The following FANCI variants were observed in gnomAD, a reference collection of about 807,000 sequenced individuals.
The protein encoded by FANCI is FA complementation group I, also known as Fanconi anemia group I protein.
FANCI carries 156 observed loss-of-function variants against 176.1 expected under a neutral mutation model. The observed-to-expected ratio is 0.89, with a 90% CI of 0.78 to 1.01. FANCI has a LOEUF of 1.01. FANCI is among the 50% of genes least tolerant of loss of function. FANCI has a pLI of 0.00. For synonymous variants in FANCI, 613 were observed against 541.7 expected, an observed-to-expected ratio of 1.13 and a Z score of -1.83; for missense variants, 1,678 against 1,534.1, an observed-to-expected ratio of 1.09 and a Z score of -1.57.
chr15:89,254,202 T>A (rs2093873249), intron 2 of FANCI, among the ~76,000 whole-genome samples: 1 of 151,662 alleles, frequency 6.6e-6, no homozygotes, highest in Admixed American at 6.6e-5. Flanking sequence ...TATAAAAAAA[T>A]AAATAAATAA....
intron 1 of FANCI, among the ~76,000 whole-genome samples, chr15:89,246,308 C>T (rs1383997869): frequency 6.6e-6 from 1 of 152,184 alleles, no homozygotes; most frequent in East Asian, 1.9e-4. Flanking sequence ...CAAATGGTCT[C>T]TTAGCATTTG....
intron 24 of FANCI, among the ~76,000 whole-genome samples, chr15:89,297,325 C>T (rs1415622938): frequency 5.3e-5 from 8 of 151,968 alleles, no homozygotes; most frequent in Admixed American, 1.3e-4. Context: ...GGATTGCGGC[C>T]GGGCAGAGAC....
At chr15:89,246,763 CTTTT>C (rs35104299) in intron 1 of FANCI, among the ~76,000 whole-genome samples, 2 of 113,948 alleles carry the variant, frequency 1.8e-5, no homozygotes, top group South Asian at 3.0e-4. Context: ...TTCTTCCTTT[CTTTT>C]TTTTTTTTTT....
At chr15:89,246,687 A>C (rs2051988924) in intron 1 of FANCI, among the ~76,000 whole-genome samples, 1 of 151,566 alleles carries the variant, frequency 6.6e-6, no homozygotes, top group South Asian at 2.1e-4. Context: ...CTGCTGCGAA[A>C]CCTTGACATT....
In FANCI at chr15:89,279,141, TTTGTTG is replaced by T. The variant is rs140164531; in HGVS notation, c.1381+394_1381+399del. On this transcript the variant is annotated intron_variant, in intron 14 of 37. Transcript: ENST00000310775. ...CTCTGGTAACCTCTGAATTTGCTGTTTTGTTGTTGTTGTTGTTGTTGTTGTTGTTGT... is the reference window on the plus strand; with the variant it reads ...CTCTGGTAACCTCTGAATTTGCTGTTTTGTTGTTGTTGTTGTTGTTGTTGT... Among the ~76,000 whole-genome samples, 483 of 150,998 alleles carry T rather than the reference TTTGTTG, an allele frequency of 3.2e-3. 8 individuals are homozygous for T. The highest frequency in any genetic ancestry group is 0.016 in the East Asian group (84 of 5,128).
At chr15:89,273,863 T>G (rs1014130113) in intron 11 of FANCI, among the ~76,000 whole-genome samples, 1 of 152,224 alleles carries the variant, frequency 6.6e-6, no homozygotes, top group African/African-American at 2.4e-5. Flanking sequence ...TTATATGTGT[T>G]CCAGGTTGTG....
At chr15:89,258,111 A>G (rs980835998) in intron 2 of FANCI, among the ~76,000 whole-genome samples, 3 of 151,804 alleles carry the variant, frequency 2.0e-5, no homozygotes, top group South Asian at 2.1e-4. Flanking sequence ...AAATATGCCA[A>G]GTTCTTTGCT....
Position 89,316,419 on chromosome 15 carries a change from G to T in FANCI, c.3947G>T (p.Gly1316Val), listed in dbSNP as rs138461165. The T allele has an allele frequency of 6.2e-7, 1 of 1,611,636 alleles. No individual in the cohort carries two copies. Among genetic ancestry groups the T allele is most frequent in the East Asian group, 2.2e-5 (1 of 44,816 alleles). Residue 1316 changes from glycine to valine, a missense_variant, in exon 38 of 38, where the codon GGA becomes GTA. Transcript: ENST00000310775. ...TAGGGCACTGCATCAGAGCATGGGG[G>T]ACAGAACAAAGAACCAGCCAAGAAG... ...NEEGTASEHG[G>V]QNKEPAKKKR...
intron 10 of FANCI, among the ~76,000 whole-genome samples, chr15:89,272,811 A>G (rs955704507): frequency 1.3e-5 from 2 of 152,062 alleles, no homozygotes; most frequent in Non-Finnish European, 2.9e-5. Context: ...CTGGGATTAC[A>G]GGTGTGTGCC....
At chr15:89,258,868 C>T in intron 3 of FANCI, 92 bp downstream of exon 3, 1 of 949,040 alleles carries the variant, frequency 1.1e-6, no homozygotes, top group East Asian at 2.4e-5. Context: ...TGAAGCCCCA[C>T]TGGAACATTT....
intron 35 of FANCI, 41 bp from the exon 36 acceptor site, chr15:89,314,571 C>G: frequency 1.4e-6 from 2 of 1,481,098 alleles, no homozygotes; most frequent in Non-Finnish European, 1.9e-6. Context: ...CTTCAAAAAC[C>G]ATTGAACCTG....
At chr15:89,260,922 G>GT in intron 4 of FANCI, 79 bp downstream of exon 4, 1 of 1,546,536 alleles carries the variant, frequency 6.5e-7, no homozygotes. Context: ...GAAAACTTAA[G>GT]TGCCCAACCT....
Position 89,247,646 on chromosome 15 carries a change from C to A in FANCI, c.-2C>A, listed in dbSNP as rs543270150. 4.9e-5 allele frequency: 79 copies of A among 1,613,702 alleles called. No individual in the cohort carries two copies. The South Asian group carries it at 7.8e-4, about 16-fold the overall frequency. ...CCTTGTAGTTCTGTGATATGAGCAA[C>A]AATGGACCAGAAGATTTTATCTCTA... is the stretch of plus-strand genomic sequence containing the variant. On this transcript the variant is annotated 5_prime_UTR_variant, in exon 2 of 38. Coordinates refer to ENST00000310775, the MANE Select transcript of FANCI (RefSeq NM_001113378.2).
chr15:89,251,385 A>G (rs2052242114), intron 2 of FANCI, among the ~76,000 whole-genome samples: 1 of 152,216 alleles, frequency 6.6e-6, no homozygotes, highest in East Asian at 1.9e-4. Context: ...ACCTTTAGAG[A>G]TCAGGTAGAT....
At chr15:89,300,905 G>A (rs2054502582) in intron 26 of FANCI, among the ~76,000 whole-genome samples, 1 of 152,190 alleles carries the variant, frequency 6.6e-6, no homozygotes, top group Non-Finnish European at 1.5e-5. Context: ...TATCCTTATG[G>A]AGCTTACATT....
intron 37 of FANCI, among the ~76,000 whole-genome samples, chr15:89,316,133 TTCTTC>T (rs1229985558): frequency 2.6e-5 from 4 of 152,234 alleles, no homozygotes; most frequent in African/African-American, 7.2e-5. Flanking sequence ...TGTCAATGGC[TTCTTC>T]TCTTGTCATT....
chr15:89,273,310 TAAAA>T, intron 10 of FANCI, 63 bp from the exon 11 acceptor site: 21 of 597,060 alleles, frequency 3.5e-5, no homozygotes, highest in Admixed American at 8.0e-5. Flanking sequence ...TTTTTTTTTT[TAAAA>T]AAAAAAAAAA....
intron 22 of FANCI, 126 bp downstream of exon 22, chr15:89,293,189 A>T: frequency 9.9e-7 from 1 of 1,013,030 alleles, no homozygotes; most frequent in Non-Finnish European, 1.5e-6. Context: ...TTAAATGAGC[A>T]CCTAGTCTAA....
chr15:89,307,956 C>T (rs990494412), intron 34 of FANCI: 9 of 1,306,248 alleles, frequency 6.9e-6, no homozygotes, highest in Non-Finnish European at 8.8e-6. Context: ...TTGGTTTATT[C>T]CTGGGTGACT....
Sources: gnomAD v4.1 joint callset for allele counts (sites outside exome capture counted in the v4.1 genomes callset) on GRCh38, gnomAD v4.1.1 for gene constraint, MANE v1.5 for transcripts, NCBI Gene and HGNC (gene_info 2026-07-23, HGNC 2026-07-21) for gene names.